The following KPNA5 variants were observed in gnomAD, a reference collection of about 807,000 sequenced individuals.
The protein encoded by KPNA5 is importin subunit alpha-6.
In KPNA5, 46 loss-of-function variants were observed where a neutral mutation model predicts 71.3. That is an observed-to-expected ratio of 0.65 (90% CI 0.51 to 0.83). The LOEUF (loss-of-function observed/expected upper bound fraction) is 0.83. KPNA5 is among the 40% of genes least tolerant of loss of function. KPNA5 has a pLI of 0.00. For missense variants in KPNA5, 547 were observed against 628.3 expected (o/e 0.87, Z 1.38); for synonymous variants, 207 against 201.4 (o/e 1.03, Z -0.24).
chr6:116,726,084 C>A (rs73765841), intron 11 of KPNA5, among the ~76,000 whole-genome samples: 1 of 96,024 alleles, frequency 1.0e-5, no homozygotes, highest in African/African-American at 5.1e-5. Flanking sequence ...GTGTGTGTGT[C>A]TAGCACAGTG....
In KPNA5 at chr6:116,722,110, C is replaced by T. The variant is rs1033979653; in HGVS notation, c.757-16C>T. 6 of 1,489,756 alleles carry T rather than the reference C, an allele frequency of 4.0e-6. No individual in the cohort carries two copies. The highest frequency in any genetic ancestry group is 4.5e-6 in the Non-Finnish European group (5 of 1,114,008). The allele number at this position is 1,489,756 out of a possible 1,614,324, so 92.3% of individuals were successfully genotyped here. ...AATAGAGAAAAAATTTAAATATGCT[C>T]TTTCTTCCCTTACAGGTTTCACCTT... On this transcript the variant is annotated splice_polypyrimidine_tract_variant and intron_variant, in intron 8 of 13. Transcript: ENST00000368564.
Position 116,739,330 on chromosome 6 carries a change from T to A in KPNA5, c.*7007T>A, listed in dbSNP as rs1012861863. On this transcript the variant is annotated 3_prime_UTR_variant, in exon 14 of 14. Coordinates refer to ENST00000368564, the MANE Select transcript of KPNA5 (RefSeq NM_001366306.2). Reference sequence around the variant, plus strand: ...CTCTTCAAGGAGAACTACAAACCACTGCTCAATGAAATAAAAGAGGATACA... The same window carrying A: ...CTCTTCAAGGAGAACTACAAACCACAGCTCAATGAAATAAAAGAGGATACA... 3 of 152,020 alleles carry A rather than the reference T, an allele frequency of 2.0e-5. No individual in the cohort carries two copies. The highest frequency in any genetic ancestry group is 7.3e-5 in the African/African-American group (3 of 41,376). 9.4% of individuals were successfully genotyped at this position (152,020 alleles called of 1,614,324 possible). A position where few individuals can be genotyped will look rare whatever the true frequency, so the allele number is the denominator to read the frequency against.
chr6:116,711,216 T>G (rs1009414394), intron 7 of KPNA5, among the ~76,000 whole-genome samples: 4 of 151,128 alleles, frequency 2.6e-5, no homozygotes, highest in African/African-American at 9.7e-5. Flanking sequence ...TATGAATCTT[T>G]TTCCTTTTGT....
At chr6:116,681,494 G>A in intron 1 of KPNA5, 156 bp downstream of exon 1, 1 of 1,374,262 alleles carries the variant, frequency 7.3e-7, no homozygotes, top group Non-Finnish European at 9.4e-7. Context: ...TTTCCCCAGG[G>A]CGACAGCGGT....
intron 5 of KPNA5, among the ~76,000 whole-genome samples, chr6:116,700,360 C>T (rs557965011): frequency 2.0e-5 from 3 of 152,074 alleles, no homozygotes; most frequent in Non-Finnish European, 2.9e-5. Flanking sequence ...GTCTCATCTA[C>T]TTGGGAGGCT....
In KPNA5 at chr6:116,726,488, C is replaced by T. The variant is rs1779292616; in HGVS notation, c.1126-7C>T. Reference sequence around the variant, plus strand: ...TTGTACTGATTATATATTTTTCCCCCTCTCAGGCTGTTATAGATGCAAATA... The same window carrying T: ...TTGTACTGATTATATATTTTTCCCCTTCTCAGGCTGTTATAGATGCAAATA... On this transcript the variant is annotated splice_region_variant and splice_polypyrimidine_tract_variant and intron_variant, in intron 11 of 13. Coordinates refer to ENST00000368564, the MANE Select transcript of KPNA5 (RefSeq NM_001366306.2). The T allele has an allele frequency of 6.2e-7, 1 of 1,607,266 alleles. No individual in the cohort carries two copies. The highest frequency in any genetic ancestry group is 1.7e-5 in the Admixed American group (1 of 59,558).
At chr6:116,707,471 T>A (rs1330744347) in intron 7 of KPNA5, among the ~76,000 whole-genome samples, 1 of 152,190 alleles carries the variant, frequency 6.6e-6, no homozygotes, top group Non-Finnish European at 1.5e-5. Context: ...GCCAGCTTTA[T>A]CTCTCAGGTC....
chr6:116,707,981 TATATATCAC>T (rs1778511879), intron 7 of KPNA5, among the ~76,000 whole-genome samples: 3 of 152,270 alleles, frequency 2.0e-5, no homozygotes, highest in African/African-American at 7.2e-5. Flanking sequence ...ATGTATACTG[TATATATCAC>T]ATAAGTGGAA....
chr6:116,722,240 C>A lies in KPNA5; in HGVS notation c.871C>A (p.Gln291Lys). The change falls in exon 9 of 14, where the codon CAA becomes AAA. Residue 291 changes from glutamine to lysine, a missense_variant. Coordinates refer to ENST00000368564, the MANE Select transcript of KPNA5 (RefSeq NM_001366306.2). ...YLSDGPNDKIQAVIDSGVCRR... is the reference protein window; with the variant it reads ...YLSDGPNDKIKAVIDSGVCRR... ...CTCCGATGGACCCAATGATAAAATT[C>A]AAGCAGTCATTGATTCTGGAGTCTG... The A allele has an allele frequency of 6.2e-7, 1 of 1,612,952 alleles. No individual in the cohort carries two copies. Among genetic ancestry groups the A allele is most frequent in the Non-Finnish European group, 8.5e-7 (1 of 1,179,328 alleles).
chr6:116,702,235 T>C, intron 6 of KPNA5, 85 bp downstream of exon 6: 1 of 1,402,500 alleles, frequency 7.1e-7, no homozygotes, highest in Admixed American at 2.1e-5. Context: ...GTGTAATTCA[T>C]TTTTGTTTCT....
intron 7 of KPNA5, among the ~76,000 whole-genome samples, chr6:116,707,015 T>C (rs1338064243): frequency 6.6e-6 from 1 of 151,548 alleles, no homozygotes; most frequent in East Asian, 2.0e-4. Flanking sequence ...ATACAAAAAA[T>C]TAGCCAGGCG....
chr6:116,716,563 T>C (rs913373955), intron 8 of KPNA5, among the ~76,000 whole-genome samples: 1 of 152,250 alleles, frequency 6.6e-6, no homozygotes. Context: ...TATCAAGGAA[T>C]TGATTTCAGA....
chr6:116,688,862 C>A (rs1276323589), intron 1 of KPNA5, among the ~76,000 whole-genome samples: 1 of 152,054 alleles, frequency 6.6e-6, no homozygotes, highest in Non-Finnish European at 1.5e-5. Context: ...TTGAGATGTG[C>A]TTACTGGAGC....
chr6:116,685,023 ACTC>A (rs1046683718), intron 1 of KPNA5, among the ~76,000 whole-genome samples: 2 of 152,154 alleles, frequency 1.3e-5, no homozygotes, highest in Non-Finnish European at 2.9e-5. Flanking sequence ...CGTCAGTTCT[ACTC>A]CTAGATATTT....
intron 1 of KPNA5, among the ~76,000 whole-genome samples, chr6:116,687,999 C>T (rs1375627935): frequency 1.3e-5 from 2 of 152,156 alleles, no homozygotes; most frequent in Non-Finnish European, 2.9e-5. Flanking sequence ...TTCTGCCATG[C>T]ATCCTCATTT....
At chr6:116,701,949 C>G in intron 5 of KPNA5, 70 bp from the exon 6 acceptor site, 1 of 1,472,318 alleles carries the variant, frequency 6.8e-7, no homozygotes, top group Non-Finnish European at 9.2e-7. Context: ...TTTACTCCCT[C>G]TCTTTCCTTC....
At chr6:116,690,218 T>C (rs1282692031) in intron 2 of KPNA5, among the ~76,000 whole-genome samples, 1 of 151,930 alleles carries the variant, frequency 6.6e-6, no homozygotes, top group Non-Finnish European at 1.5e-5. Flanking sequence ...TACAGGCATG[T>C]AATAGGCAAG....
rs534068305 is a variant in KPNA5, at chr6:116,699,914, A to G, written c.435+1116A>G. On this transcript the variant is annotated intron_variant, in intron 5 of 13. Coordinates refer to ENST00000368564, the MANE Select transcript of KPNA5 (RefSeq NM_001366306.2). ...AAAATTCAGATGTTGTCCTGTCTAG[A>G]GAAATTCCTCACTTTCTCCTGGGAA... 2.6e-5 allele frequency among the ~76,000 whole-genome samples: 4 copies of G among 152,370 alleles called. 1 individual carries two copies. The South Asian group carries it at 8.3e-4, about 32-fold the overall frequency.
At chr6:116,718,831 G>T (rs530481663) in intron 8 of KPNA5, among the ~76,000 whole-genome samples, 6 of 150,700 alleles carry the variant, frequency 4.0e-5, no homozygotes, top group Admixed American at 4.0e-4. Context: ...GCAGTGGTAC[G>T]ATCTCAGCTC....
Sources: allele counts gnomAD v4.1 joint callset (sites outside exome capture counted in the v4.1 genomes callset), GRCh38; gene constraint gnomAD v4.1.1; transcripts MANE v1.5; gene names NCBI Gene and HGNC (gene_info 2026-07-23, HGNC 2026-07-21).